Variants in DSCAM observed in about 807,000 individuals in gnomAD.
DSCAM encodes DS cell adhesion molecule, also known as cell adhesion molecule DSCAM.
Under a neutral mutation model 217.7 loss-of-function variants are expected in DSCAM, and 47 were observed. That is an observed-to-expected ratio of 0.22 (90% confidence interval 0.17 to 0.28). DSCAM has a LOEUF of 0.28. Ranked by LOEUF, DSCAM falls within the 10% of genes least tolerant of loss-of-function variation. DSCAM has a pLI of 1.00. For synonymous variants in DSCAM, 1,056 were observed against 1,015.3 expected (o/e 1.04, Z -0.76); for missense variants, 2,080 against 2,618.3 (o/e 0.79, Z 4.49).
intron 3 of DSCAM, among the ~76,000 whole-genome samples, chr21:40,379,929 A>G (rs1231376187): frequency 1.3e-5 from 2 of 152,198 alleles, no homozygotes; most frequent in African/African-American, 4.8e-5. Flanking sequence ...CCCAGCGTGG[A>G]TCTTGAGCCG....
At chr21:40,517,519 T>A (rs1407700936) in intron 3 of DSCAM, among the ~76,000 whole-genome samples, 2 of 151,916 alleles carry the variant, frequency 1.3e-5, no homozygotes, top group African/African-American at 2.4e-5. Flanking sequence ...TTTTTCTCAG[T>A]TTTCACACAA....
intron 32 of DSCAM, among the ~76,000 whole-genome samples, chr21:40,029,121 A>AT (rs1488373180): frequency 1.3e-5 from 2 of 152,260 alleles, no homozygotes; most frequent in Admixed American, 6.5e-5. Context: ...AAGTTTAACA[A>AT]TTTTTTTTCC....
At chr21:40,715,938 A>G (rs2090837139) in intron 1 of DSCAM, among the ~76,000 whole-genome samples, 1 of 152,206 alleles carries the variant, frequency 6.6e-6, no homozygotes, top group African/African-American at 2.4e-5. Context: ...TAAAAATGTA[A>G]ATGTATACAA....
At chr21:40,388,181 AG>A (rs2076632537) in intron 3 of DSCAM, among the ~76,000 whole-genome samples, 1 of 152,238 alleles carries the variant, frequency 6.6e-6, no homozygotes, top group African/African-American at 2.4e-5. Flanking sequence ...CTGGAACTAA[AG>A]GATGTGCTTC....
chr21:40,771,250 C>T (rs1330789674), intron 1 of DSCAM, among the ~76,000 whole-genome samples: 3 of 152,172 alleles, frequency 2.0e-5, no homozygotes, highest in Non-Finnish European at 4.4e-5. Context: ...CAGGTATTTT[C>T]ATTGAGCAGG....
chr21:40,822,350 T>C (rs1244984874), intron 1 of DSCAM, among the ~76,000 whole-genome samples: 1 of 150,902 alleles, frequency 6.6e-6, no homozygotes, highest in Non-Finnish European at 1.5e-5. Flanking sequence ...AAAAAAAGTC[T>C]TTTTAGAATG....
At chr21:40,743,613 T>C (rs973858324) in intron 1 of DSCAM, among the ~76,000 whole-genome samples, 2 of 152,178 alleles carry the variant, frequency 1.3e-5, no homozygotes, top group African/African-American at 4.8e-5. Flanking sequence ...ATGTATATTT[T>C]AAAAAATTAA....
intron 3 of DSCAM, among the ~76,000 whole-genome samples, chr21:40,490,107 G>T (rs1365727392): frequency 6.6e-6 from 1 of 152,122 alleles, no homozygotes; most frequent in Non-Finnish European, 1.5e-5. Context: ...TGCGTGTGCA[G>T]GGGAACTCCC....
chr21:40,069,078 T>C (rs2089251946), intron 27 of DSCAM, among the ~76,000 whole-genome samples: 1 of 134,248 alleles, frequency 7.4e-6, no homozygotes. Flanking sequence ...AGAGCAAAAC[T>C]CTGTCTCAGA....
At chr21:40,243,552 G>A (rs1372603337) in intron 11 of DSCAM, among the ~76,000 whole-genome samples, 1 of 152,202 alleles carries the variant, frequency 6.6e-6, no homozygotes, top group African/African-American at 2.4e-5. Flanking sequence ...GATGACAGCA[G>A]TAAATAAATA....
chr21:40,194,130 T>G (rs2090983054), intron 11 of DSCAM, among the ~76,000 whole-genome samples: 2 of 152,216 alleles, frequency 1.3e-5, no homozygotes, highest in Admixed American at 1.3e-4. Context: ...CATCTTAATC[T>G]GCACACAATA....
chr21:40,705,997 G>T (rs760133456), intron 2 of DSCAM, among the ~76,000 whole-genome samples: 2 of 151,978 alleles, frequency 1.3e-5, no homozygotes, highest in African/African-American at 2.4e-5. Flanking sequence ...TGGCTAACAC[G>T]GTGAAACCCC....
intron 11 of DSCAM, among the ~76,000 whole-genome samples, chr21:40,234,962 C>T (rs1205208364): frequency 6.6e-6 from 1 of 152,132 alleles, no homozygotes; most frequent in Non-Finnish European, 1.5e-5. Flanking sequence ...GCAATGATAG[C>T]AGACCTTGTT....
At position 40,430,202 on chromosome 21, in the gene DSCAM, C is replaced by G. The variant is rs189720663; in HGVS notation, c.509-60957G>C. On this transcript the variant is annotated intron_variant, in intron 3 of 32. Coordinates refer to ENST00000400454, the MANE Select transcript of DSCAM (RefSeq NM_001389.5). ...AGTGCTATTTTAGGTACAGTTTTAG[C>G]AACACAATGTTTTCTACAAGTTGAT... Among the ~76,000 whole-genome samples the G allele has an allele frequency of 3.4e-3, 514 of 152,290 alleles. 4 individuals carry two copies. The highest frequency in any genetic ancestry group is 4.0e-3 in the Non-Finnish European group (270 of 68,030).
intron 3 of DSCAM, among the ~76,000 whole-genome samples, chr21:40,553,524 A>C (rs1363774694): frequency 6.6e-6 from 1 of 152,240 alleles, no homozygotes; most frequent in Non-Finnish European, 1.5e-5. Flanking sequence ...TGTATAATGT[A>C]AGAAAATTCA....
At chr21:40,546,806 A>C (rs887772764) in intron 3 of DSCAM, among the ~76,000 whole-genome samples, 2 of 152,120 alleles carry the variant, frequency 1.3e-5, no homozygotes, top group African/African-American at 4.8e-5. Context: ...TCACCCCAAA[A>C]CCCATAGAAA....
At chr21:40,824,403 A>ATTTTTTTTTTTTTTTTTTTTTTTT (rs536114434) in intron 1 of DSCAM, among the ~76,000 whole-genome samples, 4 of 121,028 alleles carry the variant, frequency 3.3e-5, no homozygotes, top group African/African-American at 1.0e-4. Context: ...TTTATTATTG[A>ATTTTTTTTTTTTTTTTTTTTTTTT]TTTTTTTTTT....
intron 3 of DSCAM, among the ~76,000 whole-genome samples, chr21:40,612,831 G>A (rs938608439): frequency 6.6e-6 from 1 of 152,194 alleles, no homozygotes; most frequent in Non-Finnish European, 1.5e-5. Flanking sequence ...AAGACACACT[G>A]AGAGGTCACC....
At chr21:40,113,365 C>G (rs2089925382) in intron 20 of DSCAM, among the ~76,000 whole-genome samples, 1 of 152,068 alleles carries the variant, frequency 6.6e-6, no homozygotes, top group East Asian at 1.9e-4. Flanking sequence ...TTCAACAACC[C>G]TTCATGCTAA....
Sources: allele counts gnomAD v4.1 joint callset (sites outside exome capture counted in the v4.1 genomes callset), GRCh38; gene constraint gnomAD v4.1.1; transcripts MANE v1.5; gene names NCBI Gene and HGNC (gene_info 2026-07-23, HGNC 2026-07-21).